Variants in ADGRB3 observed in about 807,000 individuals in gnomAD.
The protein encoded by ADGRB3 is adhesion G protein-coupled receptor B3.
In ADGRB3, 37 loss-of-function variants were observed where a neutral mutation model predicts 193.4. The observed-to-expected ratio is 0.19, with a 90% confidence interval of 0.15 to 0.25. The LOEUF (loss-of-function observed/expected upper bound fraction) is 0.25, where lower values mean the gene tolerates loss of function less well. Ranked by LOEUF, ADGRB3 falls within the 10% of genes least tolerant of loss-of-function variation. ADGRB3 has a pLI of 1.00. For synonymous variants in ADGRB3, 690 were observed against 644.2 expected (o/e 1.07, Z -1.08); for missense variants, 1,637 against 1,852.9 (o/e 0.88, Z 2.14).
intron 20 of ADGRB3, among the ~76,000 whole-genome samples, chr6:69,284,522 C>T (rs1761619515): frequency 1.3e-5 from 2 of 152,074 alleles, no homozygotes; most frequent in Admixed American, 1.3e-4. Flanking sequence ...CAACAAAGAT[C>T]CCAAAGGCAT....
chr6:69,022,668 T>C (rs911557472), intron 13 of ADGRB3, among the ~76,000 whole-genome samples: 7 of 152,012 alleles, frequency 4.6e-5, no homozygotes, highest in Non-Finnish European at 8.8e-5. Context: ...TTACATTAAC[T>C]ACAGTGTAAA....
intron 10 of ADGRB3, among the ~76,000 whole-genome samples, chr6:68,992,910 T>TTA (rs1401225851): frequency 1.9e-5 from 2 of 105,470 alleles, no homozygotes; most frequent in South Asian, 2.9e-4. Flanking sequence ...GATTATTTCA[T>TTA]TTTTTTTTAG....
At chr6:68,960,006 ATATTCCCCTGG>A (rs1301158304) in intron 8 of ADGRB3, among the ~76,000 whole-genome samples, 1 of 152,076 alleles carries the variant, frequency 6.6e-6, no homozygotes, top group Non-Finnish European at 1.5e-5. Flanking sequence ...TTTCACCCCA[ATATTCCCCTGG>A]TTAATAATAT....
intron 17 of ADGRB3, 125 bp from the exon 18 acceptor site, chr6:69,233,165 A>ATT (rs142952089): frequency 1.3e-4 from 160 of 1,278,292 alleles, no homozygotes; most frequent in Middle Eastern, 2.9e-4. Flanking sequence ...CAACAAGTAG[A>ATT]TTTTTTTTTC....
intron 16 of ADGRB3, among the ~76,000 whole-genome samples, chr6:69,065,780 C>CACACACAG (rs1298373552): frequency 1.3e-5 from 2 of 151,490 alleles, no homozygotes; most frequent in Non-Finnish European, 2.9e-5. Flanking sequence ...CACACACACA[C>CACACACAG]ACACACACAC....
intron 8 of ADGRB3, among the ~76,000 whole-genome samples, chr6:68,964,674 A>G (rs1293501453): frequency 6.6e-6 from 1 of 152,164 alleles, no homozygotes; most frequent in East Asian, 1.9e-4. Context: ...CTTTGTTATC[A>G]GGTTGAAACT....
intron 13 of ADGRB3, among the ~76,000 whole-genome samples, chr6:69,037,106 G>A (rs1770893742): frequency 6.6e-6 from 1 of 152,088 alleles, no homozygotes; most frequent in Non-Finnish European, 1.5e-5. Context: ...AAGAAGACAT[G>A]TTGATGGGTG....
At position 68,916,042 on chromosome 6, in the gene ADGRB3, A is replaced by G. The variant is rs1011787169; in HGVS notation, c.758-14517A>G. 5.9e-5 allele frequency among the ~76,000 whole-genome samples: 9 copies of G among 152,224 alleles called. No individual in the cohort carries two copies. The East Asian group carries it at 1.5e-3, about 26-fold the overall frequency. On this transcript the variant is annotated intron_variant, in intron 3 of 31. Coordinates refer to ENST00000370598, the MANE Select transcript of ADGRB3 (RefSeq NM_001704.3). ...GAAAAATATGCAGAAGAAGCAGCAG[A>G]TGCAACACAAGGAGCAAACCAAGAA... is the stretch of plus-strand genomic sequence containing the variant.
At chr6:68,732,980 G>C (rs978912478) in intron 3 of ADGRB3, among the ~76,000 whole-genome samples, 2 of 151,754 alleles carry the variant, frequency 1.3e-5, no homozygotes, top group African/African-American at 4.8e-5. Context: ...TCCAGCTCAT[G>C]ATGATGCTGT....
chr6:68,679,721 C>CT lies in ADGRB3; in HGVS notation c.757+40298dup, dbSNP rs533372710. 9.9e-5 allele frequency among the ~76,000 whole-genome samples: 15 copies of CT among 150,788 alleles called. No homozygotes were observed. The South Asian group carries it at 1.7e-3, about 17-fold the overall frequency. ...AAGTGGCTCTGATAAGCAGGGCCAT[C>CT]TTTTTTTTTAATAGAGAAACAAGTA... is the stretch of plus-strand genomic sequence containing the variant. On this transcript the variant is annotated intron_variant, in intron 3 of 31. Transcript: ENST00000370598.
chr6:68,676,448 A>C (rs1364453915), intron 3 of ADGRB3, among the ~76,000 whole-genome samples: 3 of 151,932 alleles, frequency 2.0e-5, no homozygotes, highest in Admixed American at 6.6e-5. Context: ...GACTTCAAAA[A>C]TTTGGTTGGT....
chr6:69,362,756 G>C (rs748872072), intron 29 of ADGRB3, among the ~76,000 whole-genome samples: 1 of 152,062 alleles, frequency 6.6e-6, no homozygotes, highest in African/African-American at 2.4e-5. Flanking sequence ...CTGAACAAAA[G>C]TATTTCATCC....
intron 10 of ADGRB3, among the ~76,000 whole-genome samples, chr6:68,991,707 G>A (rs1016144756): frequency 5.3e-5 from 8 of 152,140 alleles, no homozygotes; most frequent in African/African-American, 1.7e-4. Flanking sequence ...ACTAGAGCAT[G>A]TAGGGCACAC....
chr6:68,728,151 C>G (rs1765706777), intron 3 of ADGRB3, among the ~76,000 whole-genome samples: 1 of 151,254 alleles, frequency 6.6e-6, no homozygotes, highest in Non-Finnish European at 1.5e-5. Flanking sequence ...AGAACAGAGG[C>G]TATGTTCTTT....
At chr6:69,352,995 A>G (rs979079864) in intron 26 of ADGRB3, among the ~76,000 whole-genome samples, 1 of 152,240 alleles carries the variant, frequency 6.6e-6, no homozygotes, top group African/African-American at 2.4e-5. Flanking sequence ...AGGGAAAGTC[A>G]ATAATATGAA....
At chr6:68,645,824 C>A (rs542525789) in intron 3 of ADGRB3, among the ~76,000 whole-genome samples, 8 of 152,076 alleles carry the variant, frequency 5.3e-5, no homozygotes, top group African/African-American at 1.9e-4. Flanking sequence ...AGGTGTGCAC[C>A]ACCACACCTG....
At chr6:68,880,663 C>T (rs1347540102) in intron 3 of ADGRB3, among the ~76,000 whole-genome samples, 1 of 152,092 alleles carries the variant, frequency 6.6e-6, no homozygotes, top group African/African-American at 2.4e-5. Context: ...ATGGAAGGTG[C>T]CAGAGGGAAC....
chr6:68,968,647 A>G (rs185295671), intron 8 of ADGRB3, among the ~76,000 whole-genome samples: 150 of 152,312 alleles, frequency 9.8e-4, no homozygotes, highest in African/African-American at 3.3e-3. Flanking sequence ...AGAATAATCA[A>G]ATATGACAGT....
chr6:68,873,767 T>C (rs899082351), intron 3 of ADGRB3, among the ~76,000 whole-genome samples: 9 of 152,086 alleles, frequency 5.9e-5, no homozygotes, highest in Admixed American at 1.3e-4. Flanking sequence ...GGGTGAGGGA[T>C]TAAGAAGGAA....
Sources: gnomAD v4.1 joint callset for allele counts (sites outside exome capture counted in the v4.1 genomes callset) on GRCh38, gnomAD v4.1.1 for gene constraint, MANE v1.5 for transcripts, NCBI Gene and HGNC (gene_info 2026-07-23, HGNC 2026-07-21) for gene names.